Variants in AK5 observed in about 807,000 individuals in gnomAD.
The protein encoded by AK5 is adenylate kinase 5.
AK5 carries 27 observed loss-of-function variants against 69.5 expected under a neutral mutation model. That is an observed-to-expected ratio of 0.39 (90% CI 0.29 to 0.54). AK5 has a LOEUF of 0.54. Ranked by LOEUF, AK5 falls within the 20% of genes least tolerant of loss-of-function variation. The pLI is 0.71. For missense variants in AK5, 531 were observed against 700.4 expected (o/e 0.76, Z 2.73); for synonymous variants, 260 against 244.4 (o/e 1.06, Z -0.60).
At chr1:77,444,859 T>C (rs1652648389) in intron 8 of AK5, among the ~76,000 whole-genome samples, 1 of 151,466 alleles carries the variant, frequency 6.6e-6, no homozygotes. Flanking sequence ...TTATCAGGTA[T>C]AAAACACCAT....
intron 5 of AK5, among the ~76,000 whole-genome samples, chr1:77,330,394 C>G (rs888223323): frequency 3.3e-5 from 5 of 152,134 alleles, no homozygotes; most frequent in Admixed American, 3.3e-4. Flanking sequence ...ATCTGAAAAT[C>G]CATCTAGAAT....
At chr1:77,344,046 A>G (rs1283723928) in intron 6 of AK5, among the ~76,000 whole-genome samples, 4 of 152,200 alleles carry the variant, frequency 2.6e-5, no homozygotes. Context: ...CAAGCTACAT[A>G]GTGGCTGTGT....
intron 8 of AK5, among the ~76,000 whole-genome samples, chr1:77,462,144 T>C (rs922237357): frequency 3.3e-5 from 5 of 152,198 alleles, no homozygotes; most frequent in African/African-American, 1.2e-4. Context: ...TCGAAATTCA[T>C]ACACAGGAGA....
At chr1:77,340,997 A>G (rs1005699530) in intron 6 of AK5, 4 of 153,790 alleles carry the variant, frequency 2.6e-5, no homozygotes, top group Non-Finnish European at 5.8e-5. Flanking sequence ...ATGATCTACT[A>G]CATAAAGAAA....
chr1:77,295,012 C>A (rs957971894), intron 3 of AK5, among the ~76,000 whole-genome samples: 1 of 151,772 alleles, frequency 6.6e-6, no homozygotes, highest in Admixed American at 6.6e-5. Flanking sequence ...AGAGAGACCT[C>A]ATCTCAAAAA....
intron 6 of AK5, among the ~76,000 whole-genome samples, chr1:77,348,279 T>C (rs1173547484): frequency 2.0e-5 from 3 of 152,222 alleles, no homozygotes; most frequent in Admixed American, 2.0e-4. Flanking sequence ...TGAAGACCTT[T>C]GGAGGTTCAC....
chr1:77,536,795 A>G (rs1364751482), intron 13 of AK5, among the ~76,000 whole-genome samples: 3 of 152,196 alleles, frequency 2.0e-5, no homozygotes, highest in Non-Finnish European at 4.4e-5. Flanking sequence ...CTTTGCCTCA[A>G]TTTCTTGTGA....
At chr1:77,481,773 C>A (rs370031762) in intron 8 of AK5, among the ~76,000 whole-genome samples, 1 of 152,198 alleles carries the variant, frequency 6.6e-6, no homozygotes, top group East Asian at 1.9e-4. Context: ...TACATTTACT[C>A]TTTGACCATG....
chr1:77,518,669 A>C lies in AK5; in HGVS notation c.1253A>C (p.Glu418Ala), dbSNP rs1389719654. The change falls in exon 11 of 14, where the codon GAA (glutamate) becomes GCA (alanine). Residue 418 changes from glutamate (E) to alanine (A), a missense_variant. Transcript: ENST00000354567. Reference sequence around the variant, plus strand: ...CTCCTGCGTGAGGAACTGGCATCAGAATCTGAAAGAAGCAAATTGATCAGA... The same window carrying C: ...CTCCTGCGTGAGGAACTGGCATCAGCATCTGAAAGAAGCAAATTGATCAGA... The part of the protein sequence containing the change: ...GELLREELAS[E>A]SERSKLIRDI... 6.2e-7 allele frequency: 1 copy of C among 1,614,220 alleles called. No individual in the cohort carries two copies. Among genetic ancestry groups the C allele is most frequent in the Non-Finnish European group, 8.5e-7 (1 of 1,180,032 alleles).
At chr1:77,530,897 C>T (rs1056913531) in intron 12 of AK5, among the ~76,000 whole-genome samples, 2 of 152,086 alleles carry the variant, frequency 1.3e-5, no homozygotes, top group African/African-American at 4.8e-5. Context: ...GCAAACTTCT[C>T]CTCCCGCTCC....
chr1:77,441,371 T>C (rs1284052090), intron 8 of AK5, among the ~76,000 whole-genome samples: 1 of 152,178 alleles, frequency 6.6e-6, no homozygotes, highest in African/African-American at 2.4e-5. Context: ...CTCTTTTATG[T>C]TTTATGTGTC....
intron 10 of AK5, among the ~76,000 whole-genome samples, chr1:77,491,870 G>A (rs1656027774): frequency 6.6e-6 from 1 of 152,174 alleles, no homozygotes; most frequent in South Asian, 2.1e-4. Context: ...AGACATTAGG[G>A]AGTTCAGTTA....
chr1:77,390,585 A>T (rs1201982396), intron 6 of AK5, among the ~76,000 whole-genome samples: 3 of 152,236 alleles, frequency 2.0e-5, no homozygotes, highest in African/African-American at 7.2e-5. Context: ...AAAAAAAGGC[A>T]ATAGGAATAA....
intron 8 of AK5, among the ~76,000 whole-genome samples, chr1:77,470,859 ATATATATATATATATATTTTT>A (rs1387730337): frequency 1.2e-3 from 2 of 1,724 alleles, no homozygotes; most frequent in African/African-American, 3.8e-3. Flanking sequence ...ATATATATAT[ATATATATATATATATATTTTT>A]TTTTTTTTTT....
intron 8 of AK5, among the ~76,000 whole-genome samples, chr1:77,458,759 C>A (rs1268294872): frequency 1.3e-5 from 2 of 152,174 alleles, no homozygotes; most frequent in Non-Finnish European, 2.9e-5. Flanking sequence ...ATTATGGGAG[C>A]TACAAGATGA....
chr1:77,311,291 G>A lies in AK5; in HGVS notation c.699+13344G>A, dbSNP rs150940167. Among the ~76,000 whole-genome samples, 312 of 152,262 alleles carry A rather than the reference G, an allele frequency of 2.0e-3. 2 individuals carry two copies. The highest frequency in any genetic ancestry group is 3.9e-3 in the Admixed American group (59 of 15,300). ...GTCATGGATATTCAGAAAAAGGAAA[G>A]ATTCAAGTGGCTGCATAAAAAGTGA... is the stretch of plus-strand genomic sequence containing the variant. On this transcript the variant is annotated intron_variant, in intron 5 of 13. Transcript: ENST00000354567.
At chr1:77,285,548 A>G (rs1658303617) in intron 1 of AK5, among the ~76,000 whole-genome samples, 1 of 152,250 alleles carries the variant, frequency 6.6e-6, no homozygotes, top group African/African-American at 2.4e-5. Flanking sequence ...CTAACAATGT[A>G]TATTGGTAAG....
At chr1:77,462,304 G>T in intron 8 of AK5, among the ~76,000 whole-genome samples, 1 of 8,374 alleles carries the variant, frequency 1.2e-4, no homozygotes, top group South Asian at 9.5e-4. Context: ...TTGTTGGATA[G>T]ATGGATGGAT....
At chr1:77,458,540 C>A (rs1653638947) in intron 8 of AK5, among the ~76,000 whole-genome samples, 1 of 152,178 alleles carries the variant, frequency 6.6e-6, no homozygotes, top group Non-Finnish European at 1.5e-5. Flanking sequence ...CTCCACATTA[C>A]TGGGGAAACT....
Sources: allele counts gnomAD v4.1 joint callset (sites outside exome capture counted in the v4.1 genomes callset), GRCh38; gene constraint gnomAD v4.1.1; transcripts MANE v1.5; gene names NCBI Gene and HGNC (gene_info 2026-07-23, HGNC 2026-07-21).